The following HTT variants were observed in gnomAD, a reference collection of about 807,000 sequenced individuals.
The protein encoded by HTT is huntingtin.
Under a neutral mutation model 362.3 loss-of-function variants are expected in HTT, and 104 were observed. That is an observed-to-expected ratio of 0.29 (90% CI 0.24 to 0.34). HTT has a LOEUF of 0.34. HTT is among the 10% of genes least tolerant of loss of function. The probability of loss-of-function intolerance (pLI) is 1.00; values close to 1 mark genes in which losing one functional copy is unlikely to be tolerated. For synonymous variants in HTT, 1,577 were observed against 1,548.7 expected (o/e 1.02, Z -0.43); for missense variants, 3,301 against 3,928.6 (o/e 0.84, Z 4.27).
At chr4:3,170,423 C>T (rs1717916359) in intron 29 of HTT, among the ~76,000 whole-genome samples, 2 of 152,182 alleles carry the variant, frequency 1.3e-5, no homozygotes, top group South Asian at 2.1e-4. Context: ...CTGCTGAGAA[C>T]AGTGACTTTC....
chr4:3,215,757 G>A (rs576432374), intron 51 of HTT, among the ~76,000 whole-genome samples: 3 of 151,972 alleles, frequency 2.0e-5, no homozygotes, highest in African/African-American at 7.2e-5. Flanking sequence ...GCCAGTTATA[G>A]ACTTAGACAT....
Position 3,206,957 on chromosome 4 carries a change from G to T in HTT, c.6049G>T (p.Glu2017Ter). 1 of 1,611,884 alleles carries T rather than the reference G, an allele frequency of 6.2e-7. No homozygotes were observed. Among genetic ancestry groups the T allele is most frequent in the South Asian group, 1.1e-5 (1 of 90,480 alleles). ...MVDILACRRV[E>*]MLLAANLQSS... ...CGACATCCTTGCTTGTCGCCGGGTA[G>T]AAATGCTTCTGGCTGCAAATTTACA... The change falls in exon 44 of 67, where the codon GAA becomes TAA. Residue 2017 changes from glutamate to a stop codon, truncating the protein, a stop_gained. Coordinates refer to ENST00000355072, the MANE Select transcript of HTT (RefSeq NM_001388492.1). LOFTEE classifies it high-confidence loss of function. The surrounding 1 kb of genome is among the most constrained non-coding windows in gnomAD (Gnocchi z 4.6).
chr4:3,179,183 G>A (rs879086971), intron 35 of HTT, among the ~76,000 whole-genome samples: 1 of 152,172 alleles, frequency 6.6e-6, no homozygotes, highest in Admixed American at 6.5e-5. Flanking sequence ...GTGCAGAAGA[G>A]CATCAACCGG....
chr4:3,125,712 C>T, intron 11 of HTT, 83 bp downstream of exon 11: 1 of 1,002,164 alleles, frequency 1.0e-6, no homozygotes. Context: ...CCCCCTGCAC[C>T]TGGTGGACAG....
At position 3,107,332 on chromosome 4, in the gene HTT, G is replaced by T; in HGVS notation, c.656G>T (p.Arg219Ile). ...LLPCLTRTSK[R>I]PEESVQETLA... The stretch of plus-strand genomic sequence containing the variant: ...CCGTGCCTGACTCGAACAAGCAAGA[G>T]ACCCGAAGAATCAGTCCAGGAGACC... Residue 219 changes from arginine (R) to isoleucine (I), a missense_variant, in exon 6 of 67, where the codon AGA (arginine) becomes ATA (isoleucine). Physicochemically the swap from Arg to Ile is moderately conservative, Grantham distance 97. Coordinates refer to ENST00000355072, the MANE Select transcript of HTT (RefSeq NM_001388492.1). 6.2e-7 allele frequency: 1 copy of T among 1,614,234 alleles called. No homozygotes were observed.
chr4:3,202,932 G>A (rs1719656097), intron 41 of HTT: 1 of 152,280 alleles, frequency 6.6e-6, no homozygotes, highest in South Asian at 2.1e-4. Context: ...TTGAGCTCAG[G>A]AGTTAGAGGT....
At chr4:3,081,605 C>T (rs1712910111) in intron 1 of HTT, among the ~76,000 whole-genome samples, 1 of 131,846 alleles carries the variant, frequency 7.6e-6, no homozygotes, top group African/African-American at 2.9e-5. Context: ...GTTGCCCAGG[C>T]TGGAGTGCAG....
At chr4:3,234,824 C>T (rs1218422067) in intron 61 of HTT, among the ~76,000 whole-genome samples, 2 of 152,170 alleles carry the variant, frequency 1.3e-5, no homozygotes, top group Non-Finnish European at 2.9e-5. Flanking sequence ...TCATTCAGTC[C>T]CTGGCTACCA....
chr4:3,132,594 A>T lies in HTT; in HGVS notation c.2269A>T (p.Ile757Phe). The T allele has an allele frequency of 6.2e-7, 1 of 1,614,090 alleles. No homozygotes were observed. The highest frequency in any genetic ancestry group is 8.5e-7 in the Non-Finnish European group (1 of 1,179,972). The part of the protein sequence containing the change: ...EQYVSDILNY[I>F]DHGDPQVRGA... Reference sequence around the variant, plus strand: ...GTATGTCTCAGACATCTTGAACTACATCGATCATGGAGACCCACAGGTTCG... The same window carrying T: ...GTATGTCTCAGACATCTTGAACTACTTCGATCATGGAGACCCACAGGTTCG... Residue 757 changes from isoleucine (I) to phenylalanine (F), a missense_variant, in exon 17 of 67, where the codon ATC becomes TTC. Ile to Phe is a conservative substitution (Grantham distance 21, BLOSUM62 0). Around this residue, in one of 4 missense-constraint regions of HTT, gnomAD observed 2,316 missense variants for 2,658.5 expected, o/e 0.87. Coordinates refer to ENST00000355072, the MANE Select transcript of HTT (RefSeq NM_001388492.1).
chr4:3,127,895 C>T (rs1578519970), intron 12 of HTT, among the ~76,000 whole-genome samples: 1 of 151,730 alleles, frequency 6.6e-6, no homozygotes, highest in African/African-American at 2.4e-5. Context: ...GCCTGGGAGG[C>T]AGAGGTTGCA....
intron 41 of HTT, among the ~76,000 whole-genome samples, chr4:3,200,212 A>G (rs1395439202): frequency 6.6e-6 from 1 of 152,242 alleles, no homozygotes; most frequent in East Asian, 1.9e-4. Context: ...CTTGTGGGAT[A>G]TGCTTGTCAT....
intron 57 of HTT, among the ~76,000 whole-genome samples, 175 bp downstream of exon 57, chr4:3,225,918 A>C (rs75782188): frequency 6.6e-6 from 1 of 152,048 alleles, no homozygotes; most frequent in Non-Finnish European, 1.5e-5. Flanking sequence ...TAGGTCCCGC[A>C]AGCAGAGGAA....
rs767514232 is a variant in HTT, at chr4:3,228,977, C to T, written c.8077C>T (p.Pro2693Ser). The T allele has an allele frequency of 1.2e-6, 2 of 1,613,734 alleles. No individual in the cohort carries two copies. The highest frequency in any genetic ancestry group is 1.7e-6 in the Non-Finnish European group (2 of 1,179,784). ...GCCGTCCAGCTCAGCCAGGAGGACC[C>T]CGGCCATCCTGATCAGTGAGGTGGT... is the stretch of plus-strand genomic sequence containing the variant. ...ILPSSSARRT[P>S]AILISEVVRS... is the part of the protein sequence containing the mutation. Residue 2693 changes from proline (P) to serine (S), a missense_variant, in exon 59 of 67, where the codon CCG becomes TCG. Transcript: ENST00000355072. The surrounding 1 kb of genome is among the most constrained non-coding windows in gnomAD (Gnocchi z 4.3).
intron 45 of HTT, 135 bp downstream of exon 45, chr4:3,207,492 A>G (rs1241323579): frequency 7.4e-6 from 5 of 679,762 alleles, no homozygotes; most frequent in East Asian, 2.7e-5. Flanking sequence ...AAGTGCCATA[A>G]TAGAACCTTC....
intron 29 of HTT, 111 bp downstream of exon 29, chr4:3,160,503 C>A: frequency 1.3e-6 from 1 of 742,788 alleles, no homozygotes; most frequent in Admixed American, 2.1e-5. Context: ...CTCCGGGAGA[C>A]TCCTCCCTGC....
intron 31 of HTT, among the ~76,000 whole-genome samples, chr4:3,174,442 G>A (rs988444167): frequency 1.3e-5 from 2 of 152,214 alleles, no homozygotes; most frequent in Non-Finnish European, 2.9e-5. Context: ...ACTGGGCTGA[G>A]TAGTCAGTTT....
chr4:3,081,564 T>TC (rs1712904626), intron 1 of HTT, among the ~76,000 whole-genome samples: 1 of 147,174 alleles, frequency 6.8e-6, no homozygotes, highest in African/African-American at 2.5e-5. Context: ...TTTTTTTTTT[T>TC]TTTTTTTTTT....
At chr4:3,176,027 T>TTTTTG (rs1553917208) in intron 33 of HTT, among the ~76,000 whole-genome samples, 7 of 141,972 alleles carry the variant, frequency 4.9e-5, no homozygotes, top group Middle Eastern at 3.5e-3. Context: ...TGTTGTTTGT[T>TTTTTG]TTTTTTTGTT....
At chr4:3,215,240 C>A (rs1025398995) in intron 51 of HTT, 29 bp downstream of exon 51, 3 of 1,532,318 alleles carry the variant, frequency 2.0e-6, no homozygotes, top group Non-Finnish European at 2.7e-6. Flanking sequence ...TTTTTTCTTA[C>A]ATGTTGTTCC....
Sources: gnomAD v4.1 joint callset for allele counts (sites outside exome capture counted in the v4.1 genomes callset) on GRCh38, gnomAD v4.1.1 for gene constraint, gnomAD v4.1.1 regional missense constraint, Gnocchi (gnomAD v3.1) non-coding constraint, MANE v1.5 for transcripts, NCBI Gene and HGNC (gene_info 2026-07-23, HGNC 2026-07-21) for gene names.